Variants in LHCGR observed in about 807,000 individuals in gnomAD.
LHCGR encodes the protein lutropin-choriogonadotropic hormone receptor.
Under a neutral mutation model 60.7 loss-of-function variants are expected in LHCGR, and 55 were observed. The ratio of observed to expected loss-of-function variants is 0.91; its 90% CI spans 0.73 to 1.13. The LOEUF (loss-of-function observed/expected upper bound fraction) is 1.13. Ranked by LOEUF, LHCGR falls within the 50% of genes most tolerant of loss-of-function variation. The pLI, the probability that LHCGR is intolerant of heterozygous loss-of-function variation, is 0.00. For missense variants in LHCGR, 862 were observed against 836.0 expected (o/e 1.03, Z -0.38); for synonymous variants, 337 against 316.5 (o/e 1.06, Z -0.69).
chr2:48,751,608 C>T (rs1175487016), intron 1 of LHCGR, among the ~76,000 whole-genome samples: 1 of 152,198 alleles, frequency 6.6e-6, no homozygotes. Flanking sequence ...TTCTCAAAGA[C>T]ACTACGGCAC....
Position 48,733,764 on chromosome 2 carries a change from G to GT in LHCGR, c.162-2467dup, listed in dbSNP as rs923563666. 5.2e-3 allele frequency among the ~76,000 whole-genome samples: 782 copies of GT among 149,248 alleles called. 8 individuals carry two copies. Among genetic ancestry groups the GT allele is most frequent in the African/African-American group, 0.017 (676 of 40,628 alleles). On this transcript the variant is annotated intron_variant, in intron 1 of 10. Coordinates refer to ENST00000294954, the MANE Select transcript of LHCGR (RefSeq NM_000233.4). ...AACCATTTTCCCTACAGACTTATAT[G>GT]TTTTTTTTTTCAGAAATGTCACATC...
chr2:48,749,329 T>A (rs1669851554), intron 1 of LHCGR, among the ~76,000 whole-genome samples: 1 of 152,212 alleles, frequency 6.6e-6, no homozygotes, highest in African/African-American at 2.4e-5. Context: ...GGAGGGATTA[T>A]TTTAATTCCT....
rs773279269 is a variant in LHCGR, at chr2:48,725,689, G to C, written c.370C>G (p.Arg124Gly). 1 of 1,612,294 alleles carries C rather than the reference G, an allele frequency of 6.2e-7. No individual in the cohort carries two copies. Among genetic ancestry groups the C allele is most frequent in the Non-Finnish European group, 8.5e-7 (1 of 1,178,614 alleles). ...AAAATTTCTCACAAGTATTTTAATC[G>C]GGGAAGATTTATAAATGCTCCGGGC... is the stretch of plus-strand genomic sequence containing the variant. Reference protein sequence around the residue: ...IEPGAFINLPRLKYLSICNTG... With the variant: ...IEPGAFINLPGLKYLSICNTG... Residue 124 changes from arginine to glycine, a missense_variant, in exon 4 of 11, where the codon CGA becomes GGA. By Grantham distance (125) the Arg-to-Gly change is moderately radical (BLOSUM62 -2). Coordinates refer to ENST00000294954, the MANE Select transcript of LHCGR (RefSeq NM_000233.4).
At chr2:48,718,135 A>G (rs944377708) in intron 6 of LHCGR, among the ~76,000 whole-genome samples, 2 of 152,224 alleles carry the variant, frequency 1.3e-5, no homozygotes, top group Non-Finnish European at 2.9e-5. Context: ...TTAAATGAGG[A>G]AGGCTTCCTT....
At chr2:48,715,253 C>T (rs1039623748) in intron 6 of LHCGR, among the ~76,000 whole-genome samples, 2 of 152,278 alleles carry the variant, frequency 1.3e-5, no homozygotes, top group African/African-American at 4.8e-5. Flanking sequence ...CCTCCTGTAT[C>T]TAGAACAGTG....
At chr2:48,746,216 G>A (rs1355735329) in intron 1 of LHCGR, among the ~76,000 whole-genome samples, 1 of 152,186 alleles carries the variant, frequency 6.6e-6, no homozygotes, top group Non-Finnish European at 1.5e-5. Context: ...GGTAGGGGTG[G>A]ATAGGTTCCA....
intron 3 of LHCGR, among the ~76,000 whole-genome samples, chr2:48,727,709 T>C (rs564319899): frequency 6.6e-6 from 1 of 152,354 alleles, no homozygotes; most frequent in African/African-American, 2.4e-5. Flanking sequence ...TTGCACTTAC[T>C]CATTATTTTG....
chr2:48,735,670 G>C (rs988460010), intron 1 of LHCGR, among the ~76,000 whole-genome samples: 1 of 152,198 alleles, frequency 6.6e-6, no homozygotes. Flanking sequence ...ACCCAGTGGA[G>C]TTGGGTTACT....
chr2:48,737,948 T>G (rs1669272330), intron 1 of LHCGR, among the ~76,000 whole-genome samples: 1 of 152,246 alleles, frequency 6.6e-6, no homozygotes, highest in South Asian at 2.1e-4. Context: ...AGATCTGGAC[T>G]AAAGCATTGG....
At chr2:48,729,342 G>A in intron 2 of LHCGR, 115 bp from the exon 3 acceptor site, 1 of 809,494 alleles carries the variant, frequency 1.2e-6, no homozygotes, top group Non-Finnish European at 2.1e-6. Flanking sequence ...GTGTCCCCCT[G>A]AAAAGAACAA....
At chr2:48,710,986 C>A (rs929262210) in intron 7 of LHCGR, among the ~76,000 whole-genome samples, 3 of 152,174 alleles carry the variant, frequency 2.0e-5, no homozygotes, top group African/African-American at 7.2e-5. Flanking sequence ...GCTCCATCTC[C>A]TTCATCTCCA....
At chr2:48,703,684 C>T (rs780049484) in intron 8 of LHCGR, among the ~76,000 whole-genome samples, 4 of 151,966 alleles carry the variant, frequency 2.6e-5, no homozygotes, top group Admixed American at 6.6e-5. Context: ...TTTGGCTCTC[C>T]GTTAATTTCT....
chr2:48,749,608 C>T (rs1669862451), intron 1 of LHCGR, among the ~76,000 whole-genome samples: 1 of 151,678 alleles, frequency 6.6e-6, no homozygotes, highest in Non-Finnish European at 1.5e-5. Context: ...ACCTTTGTTG[C>T]CTCATTTCAA....
intron 7 of LHCGR, among the ~76,000 whole-genome samples, chr2:48,710,889 G>A (rs1410439050): frequency 1.3e-5 from 2 of 152,274 alleles, no homozygotes; most frequent in African/African-American, 2.4e-5. Flanking sequence ...TTTGAAAACT[G>A]CTCCTCCCCT....
rs1208905092 is a variant in LHCGR, at chr2:48,686,894, T to C, written c.*803A>G. The C allele has an allele frequency of 6.6e-6, 1 of 152,202 alleles. No homozygotes were observed. The highest frequency in any genetic ancestry group is 1.5e-5 in the Non-Finnish European group (1 of 68,024). The allele number at this position is 152,202 out of a possible 1,614,324, so 9.4% of individuals were successfully genotyped here. A position where few individuals can be genotyped will look rare whatever the true frequency, so the allele number is the denominator to read the frequency against. On this transcript the variant is annotated 3_prime_UTR_variant, in exon 11 of 11. Transcript: ENST00000294954. Reference sequence around the variant, plus strand: ...ATTCTAACTCAGCACATTTGTAGTGTACCATTGCCAAGATCTTGAGGTAGG... The same window carrying C: ...ATTCTAACTCAGCACATTTGTAGTGCACCATTGCCAAGATCTTGAGGTAGG...
intron 1 of LHCGR, among the ~76,000 whole-genome samples, chr2:48,748,892 T>A (rs1669825414): frequency 6.6e-6 from 1 of 152,190 alleles, no homozygotes; most frequent in African/African-American, 2.4e-5. Flanking sequence ...TAGAACCCAG[T>A]TCTGCCCAGT....
At chr2:48,752,077 C>G (rs534953505) in intron 1 of LHCGR, among the ~76,000 whole-genome samples, 1 of 152,180 alleles carries the variant, frequency 6.6e-6, no homozygotes, top group Non-Finnish European at 1.5e-5. Context: ...TCAGTTTTTT[C>G]TTTCATTTTT....
At chr2:48,755,413 C>T in intron 1 of LHCGR, 98 bp downstream of exon 1, 2 of 786,858 alleles carry the variant, frequency 2.5e-6, no homozygotes, top group Admixed American at 2.8e-5. Context: ...CTCCAAGCTT[C>T]CAGGGAAAGG....
At chr2:48,746,003 A>G (rs1669687567) in intron 1 of LHCGR, among the ~76,000 whole-genome samples, 1 of 152,186 alleles carries the variant, frequency 6.6e-6, no homozygotes, top group African/African-American at 2.4e-5. Context: ...CTCTGGAGCC[A>G]GCCTGGGTTC....
Sources: gnomAD v4.1 joint callset for allele counts (sites outside exome capture counted in the v4.1 genomes callset) on GRCh38, gnomAD v4.1.1 for gene constraint, MANE v1.5 for transcripts, NCBI Gene and HGNC (gene_info 2026-07-23, HGNC 2026-07-21) for gene names.